GGCT: variants seen among roughly 807,000 people sequenced by gnomAD.
GGCT encodes cytochrome c-releasing factor 21.
A neutral mutation model predicts 22.1 loss-of-function variants in GGCT; 20 were observed. The observed-to-expected ratio is 0.91, with a 90% CI of 0.64 to 1.32. The LOEUF (loss-of-function observed/expected upper bound fraction) is 1.32, where lower values mean the gene tolerates loss of function less well. Ranked by LOEUF, GGCT falls within the 40% of genes most tolerant of loss-of-function variation. The probability of loss-of-function intolerance (pLI) is 0.00; values close to 1 mark genes in which losing one functional copy is unlikely to be tolerated. For synonymous variants in GGCT, 72 were observed against 78.4 expected, an observed-to-expected ratio of 0.92 and a Z score of 0.43; for missense variants, 209 against 223.5, an observed-to-expected ratio of 0.94 and a Z score of 0.41.
intron 3 of GGCT, chr7:30,497,534 T>TA: frequency 3.3e-6 from 1 of 304,724 alleles, no homozygotes; most frequent in Non-Finnish European, 5.4e-6. Flanking sequence ...TATGACCTTT[T>TA]AAGAAAAAAA....
In GGCT at chr7:30,500,699, G is replaced by C; in HGVS notation, c.142-18C>G. 1 of 1,610,382 alleles carries C rather than the reference G, an allele frequency of 6.2e-7. No individual in the cohort carries two copies. The highest frequency in any genetic ancestry group is 8.5e-7 in the Non-Finnish European group (1 of 1,177,448). On this transcript the variant is annotated intron_variant, in intron 1 of 3. Coordinates refer to ENST00000275428, the MANE Select transcript of GGCT (RefSeq NM_024051.4). ...TTAAAATCCTACAAAGGAAATCAAA[G>C]TGATATGATCAATATCCACTTGAAT... is the stretch of plus-strand genomic sequence containing the variant.
intron 1 of GGCT, 73 bp downstream of exon 1, chr7:30,504,496 C>A (rs1204995839): frequency 6.4e-7 from 1 of 1,555,802 alleles, no homozygotes; most frequent in African/African-American, 1.4e-5. Context: ...CCCGATCGGC[C>A]ACGTGTGCCC....
intron 1 of GGCT, among the ~76,000 whole-genome samples, chr7:30,502,024 A>AG (rs1363965250): frequency 1.3e-5 from 2 of 152,228 alleles, no homozygotes; most frequent in African/African-American, 4.8e-5. Context: ...AGCGGAACAT[A>AG]GGTAACCACC....
At chr7:30,501,107 A>G (rs573926003) in intron 1 of GGCT, among the ~76,000 whole-genome samples, 1 of 152,194 alleles carries the variant, frequency 6.6e-6, no homozygotes, top group South Asian at 2.1e-4. Context: ...TCTGTAGAGT[A>G]TCCTACCAAC....
Position 30,497,152 on chromosome 7 carries a change from T to C in GGCT, c.507A>G (p.Thr169=). Residue 169 remains threonine (T), a synonymous_variant, in exon 4 of 4, where the codon ACA becomes ACG. Transcript: ENST00000275428. ...CTTCAATTTCTTCTGAGACCTTTCC[T>C]GTATAGTCATTTGGTTCTATTGCTT... ...KLKAIEPNDY[T]GKVSEEIEDI... 1 of 1,609,640 alleles carries C rather than the reference T, an allele frequency of 6.2e-7. No individual in the cohort carries two copies. The highest frequency in any genetic ancestry group is 8.5e-7 in the Non-Finnish European group (1 of 1,176,298).
chr7:30,497,317 G>A, intron 3 of GGCT, 82 bp from the exon 4 acceptor site: 3 of 996,396 alleles, frequency 3.0e-6, no homozygotes, highest in Non-Finnish European at 4.4e-6. Flanking sequence ...AGCTTTATTT[G>A]CCTTCTCAAA....
rs1789621547 is a variant in GGCT at position 30,498,766 on chromosome 7, T to C, written c.423+37A>G. ...ATTCTTTAGTTTCTCTCAGTGAAAT[T>C]TAAAAAGTAATCACCACCAGTCTGT... is the stretch of plus-strand genomic sequence containing the variant. On this transcript the variant is annotated intron_variant, in intron 3 of 3. Coordinates refer to ENST00000275428, the MANE Select transcript of GGCT (RefSeq NM_024051.4). The C allele has an allele frequency of 5.7e-6, 9 of 1,567,702 alleles. No homozygotes were observed. The East Asian group carries it at 1.8e-4, about 31-fold the overall frequency.
chr7:30,504,805 C>T lies in GGCT; in HGVS notation c.-96G>A, dbSNP rs1041415130. 3.1e-5 allele frequency: 40 copies of T among 1,273,086 alleles called. No homozygotes were observed. The highest frequency in any genetic ancestry group is 4.3e-5 in the Non-Finnish European group (38 of 886,968). The allele number at this position is 1,273,086 out of a possible 1,614,324, so 78.9% of individuals were successfully genotyped here. A position where few individuals can be genotyped will look rare whatever the true frequency, so the allele number is the denominator to read the frequency against. On this transcript the variant is annotated 5_prime_UTR_variant, in exon 1 of 4. Coordinates refer to ENST00000275428, the MANE Select transcript of GGCT (RefSeq NM_024051.4). ...CCCACTACCCCGGCGCAGTGACCGC[C>T]GCGCGGCAGCCTCAGGGTTAGGGGA...
intron 3 of GGCT, chr7:30,498,024 G>A (rs4720005): frequency 5.3e-6 from 1 of 189,388 alleles, no homozygotes; most frequent in Non-Finnish European, 1.1e-5. Flanking sequence ...TATATATATA[G>A]ATACACACAC....
chr7:30,500,466 G>T, intron 2 of GGCT, 70 bp downstream of exon 2: 1 of 1,245,378 alleles, frequency 8.0e-7, no homozygotes, highest in Non-Finnish European at 1.2e-6. Context: ...TAACACACAG[G>T]TACACATCCT....
chr7:30,503,936 G>A (rs965793958), intron 1 of GGCT, among the ~76,000 whole-genome samples: 5 of 152,196 alleles, frequency 3.3e-5, no homozygotes, highest in Admixed American at 6.5e-5. Flanking sequence ...CCTACAGACT[G>A]AGAGTTCCTC....
chr7:30,499,995 C>T (rs1583947631), intron 2 of GGCT, among the ~76,000 whole-genome samples: 2 of 152,132 alleles, frequency 1.3e-5, no homozygotes, highest in Middle Eastern at 6.8e-3. Flanking sequence ...TGTCAGATAA[C>T]CCTCTCTTCT....
chr7:30,501,629 A>G (rs1275952154), intron 1 of GGCT, among the ~76,000 whole-genome samples: 1 of 152,194 alleles, frequency 6.6e-6, no homozygotes, highest in Non-Finnish European at 1.5e-5. Flanking sequence ...AAAACAAACT[A>G]AAAAATAAAC....
At chr7:30,497,444 A>G (rs1789574064) in intron 3 of GGCT, 1 of 395,134 alleles carries the variant, frequency 2.5e-6, no homozygotes, top group East Asian at 3.7e-5. Flanking sequence ...CAAATGAAGC[A>G]TCCTCATGGA....
chr7:30,503,591 T>C (rs1182225215), intron 1 of GGCT, among the ~76,000 whole-genome samples: 1 of 151,992 alleles, frequency 6.6e-6, no homozygotes, highest in Non-Finnish European at 1.5e-5. Context: ...CAGGGGGTGG[T>C]GGACAATACA....
intron 3 of GGCT, among the ~76,000 whole-genome samples, chr7:30,498,076 G>A (rs1001401809): frequency 2.1e-5 from 3 of 144,382 alleles, no homozygotes; most frequent in Non-Finnish European, 3.0e-5. Flanking sequence ...TATATAGAAA[G>A]AGAAAGAGAG....
At chr7:30,502,990 T>C (rs940510024) in intron 1 of GGCT, among the ~76,000 whole-genome samples, 9 of 152,190 alleles carry the variant, frequency 5.9e-5, no homozygotes, top group Non-Finnish European at 1.3e-4. Flanking sequence ...ATATCTCCAG[T>C]CTTCATGCCA....
At chr7:30,502,208 G>A (rs545229486) in intron 1 of GGCT, among the ~76,000 whole-genome samples, 25 of 152,248 alleles carry the variant, frequency 1.6e-4, no homozygotes, top group East Asian at 3.9e-4. Flanking sequence ...CTGTGGTGGC[G>A]GACATCACAA....
intron 2 of GGCT, 42 bp downstream of exon 2, chr7:30,500,494 C>T (rs1171526252): frequency 2.0e-6 from 3 of 1,527,684 alleles, no homozygotes; most frequent in South Asian, 1.1e-5. Context: ...AATCTGCTTT[C>T]TGAATTAATT....
Sources: gnomAD v4.1 joint callset for allele counts (sites outside exome capture counted in the v4.1 genomes callset) on GRCh38, gnomAD v4.1.1 for gene constraint, MANE v1.5 for transcripts, NCBI Gene and HGNC (gene_info 2026-07-23, HGNC 2026-07-21) for gene names.